Variants in AFF3 observed in about 807,000 individuals in gnomAD.
The protein encoded by AFF3 is AF4/FMR2 family member 3.
A neutral mutation model predicts 129.7 loss-of-function variants in AFF3; 32 were observed. The ratio of observed to expected loss-of-function variants is 0.25; its 90% CI spans 0.19 to 0.33. AFF3 has a LOEUF of 0.33. Ranked by LOEUF, AFF3 falls within the 10% of genes least tolerant of loss-of-function variation. The pLI is 1.00. For synonymous variants in AFF3, 644 were observed against 635.4 expected (o/e 1.01, Z -0.20); for missense variants, 1,373 against 1,592.0 (o/e 0.86, Z 2.34).
chr2:99,727,559 A>ATTT (rs35336994), intron 10 of AFF3, among the ~76,000 whole-genome samples: 14 of 127,758 alleles, frequency 1.1e-4, no homozygotes, highest in Non-Finnish European at 1.5e-4. Flanking sequence ...GGAGGAAAGA[A>ATTT]TTTTTTTTTT....
At chr2:100,010,413 G>A (rs796296286) in intron 4 of AFF3, among the ~76,000 whole-genome samples, 3 of 152,174 alleles carry the variant, frequency 2.0e-5, no homozygotes, top group African/African-American at 7.2e-5. Context: ...TGCTGTCTAA[G>A]GGGTGATGCG....
chr2:100,115,152 G>T (rs1277413100), intron 2 of AFF3, among the ~76,000 whole-genome samples: 1 of 152,170 alleles, frequency 6.6e-6, no homozygotes, highest in Non-Finnish European at 1.5e-5. Flanking sequence ...TAATCACAGA[G>T]CAGACTCTTT....
chr2:100,014,708 C>G (rs1053143257), intron 4 of AFF3, among the ~76,000 whole-genome samples: 3 of 151,496 alleles, frequency 2.0e-5, no homozygotes, highest in Middle Eastern at 3.5e-3. Context: ...ACATGGATTA[C>G]TAGTAAGTGG....
At chr2:100,066,885 G>A (rs374409359) in intron 4 of AFF3, among the ~76,000 whole-genome samples, 9 of 152,132 alleles carry the variant, frequency 5.9e-5, no homozygotes, top group Non-Finnish European at 7.3e-5. Context: ...CAGCCCCTCC[G>A]CAAGGAAAAC....
intron 14 of AFF3, 87 bp from the exon 15 acceptor site, chr2:99,594,376 T>C (rs1186161563): frequency 6.6e-7 from 1 of 1,509,332 alleles, no homozygotes. Flanking sequence ...CTTGACTTAC[T>C]TCTCTAAGTA....
At chr2:99,718,401 T>G (rs1678572071) in intron 11 of AFF3, among the ~76,000 whole-genome samples, 1 of 152,258 alleles carries the variant, frequency 6.6e-6, no homozygotes, top group Non-Finnish European at 1.5e-5. Flanking sequence ...AGTTTTTATG[T>G]TTTTTATGTC....
intron 8 of AFF3, among the ~76,000 whole-genome samples, chr2:99,754,350 C>A (rs1316707658): frequency 1.3e-5 from 2 of 152,224 alleles, no homozygotes; most frequent in African/African-American, 4.8e-5. Flanking sequence ...CACTCTTTCG[C>A]TTACACAATT....
chr2:99,559,947 T>C (rs1471380548), intron 21 of AFF3, among the ~76,000 whole-genome samples: 1 of 152,260 alleles, frequency 6.6e-6, no homozygotes, highest in Non-Finnish European at 1.5e-5. Context: ...GTTCCCTTTT[T>C]TCTGTGGCAT....
chr2:99,849,089 G>C (rs1000481989), intron 7 of AFF3, among the ~76,000 whole-genome samples: 8 of 152,042 alleles, frequency 5.3e-5, no homozygotes, highest in African/African-American at 1.7e-4. Flanking sequence ...AAAATCAATG[G>C]ATGACAGAGA....
intron 8 of AFF3, among the ~76,000 whole-genome samples, chr2:99,772,720 C>G (rs748922516): frequency 1.3e-5 from 2 of 152,164 alleles, no homozygotes; most frequent in Non-Finnish European, 2.9e-5. Context: ...AATTGCTTCC[C>G]AACCCTGGGA....
At chr2:99,708,677 A>G (rs1677630191) in intron 11 of AFF3, among the ~76,000 whole-genome samples, 1 of 152,208 alleles carries the variant, frequency 6.6e-6, no homozygotes, top group African/African-American at 2.4e-5. Flanking sequence ...TAGAATTCAC[A>G]TGAATGTTGA....
rs190386524 is a variant in AFF3, at chr2:99,621,790, A to G, written c.1185-20169T>C. Among the ~76,000 whole-genome samples the G allele has an allele frequency of 3.2e-3, 488 of 152,270 alleles. 1 individual carries two copies. The highest frequency in any genetic ancestry group is 0.011 in the African/African-American group (466 of 41,550). Reference sequence around the variant, plus strand: ...GAATTCTTGGAGGAAGTGGGGCCTGAAACACTGAGCAGGATTTGCTAGGAA... The same window carrying G: ...GAATTCTTGGAGGAAGTGGGGCCTGGAACACTGAGCAGGATTTGCTAGGAA... On this transcript the variant is annotated intron_variant, in intron 13 of 24. Coordinates refer to ENST00000672756, the MANE Select transcript of AFF3 (RefSeq NM_001386135.1).
At chr2:99,927,554 A>G (rs1294628781) in intron 7 of AFF3, among the ~76,000 whole-genome samples, 2 of 152,096 alleles carry the variant, frequency 1.3e-5, no homozygotes, top group Non-Finnish European at 2.9e-5. Context: ...ATAGAAGGAA[A>G]CAACACACAC....
intron 11 of AFF3, among the ~76,000 whole-genome samples, chr2:99,725,480 C>A (rs376976490): frequency 6.6e-6 from 1 of 152,122 alleles, no homozygotes. Context: ...CAGGTGTCTG[C>A]CACCACACCC....
At position 99,554,436 on chromosome 2, in the gene AFF3, G is replaced by A. The variant is rs1455906688; in HGVS notation, c.3434C>T (p.Ser1145Leu). ...SLSNASALSP[S>L]TIVSIPQRIH... ...GCGCTGTGGGATGCTGACGATGGTC[G>A]ACGGGGACAGGGCGCTGGCGTTGGA... Residue 1145 changes from serine to leucine, a missense_variant, in exon 24 of 25, where the codon TCG becomes TTG. Around this residue, in one of 9 missense-constraint regions of AFF3, gnomAD observed 165 missense variants for 234.0 expected, o/e 0.71. Transcript: ENST00000672756. The A allele has an allele frequency of 3.1e-6, 5 of 1,614,168 alleles. No individual in the cohort carries two copies.
chr2:99,574,383 C>T (rs1199845735), intron 18 of AFF3, among the ~76,000 whole-genome samples: 1 of 152,142 alleles, frequency 6.6e-6, no homozygotes, highest in African/African-American at 2.4e-5. Context: ...CTGTCTGTAT[C>T]CCAAAGGAAC....
chr2:99,720,706 T>C (rs1678813101), intron 11 of AFF3, among the ~76,000 whole-genome samples: 1 of 152,252 alleles, frequency 6.6e-6, no homozygotes. Flanking sequence ...CTGTTTTTCA[T>C]TTCTGGTCTT....
At chr2:99,986,385 T>C (rs1679880178) in intron 7 of AFF3, among the ~76,000 whole-genome samples, 1 of 151,988 alleles carries the variant, frequency 6.6e-6, no homozygotes, top group Non-Finnish European at 1.5e-5. Context: ...AATAGCAGTG[T>C]CCTTATTAGC....
chr2:99,822,085 G>A (rs1687731616), intron 8 of AFF3, among the ~76,000 whole-genome samples: 1 of 152,114 alleles, frequency 6.6e-6, no homozygotes, highest in Admixed American at 6.5e-5. Context: ...GGCTCTGGGA[G>A]GCCTGAGTTT....
Sources: gnomAD v4.1 joint callset for allele counts (sites outside exome capture counted in the v4.1 genomes callset) on GRCh38, gnomAD v4.1.1 for gene constraint, gnomAD v4.1.1 regional missense constraint, MANE v1.5 for transcripts, NCBI Gene and HGNC (gene_info 2026-07-23, HGNC 2026-07-21) for gene names.